SLC22A23: variants seen among roughly 807,000 people sequenced by gnomAD.
SLC22A23 encodes ion transporter protein.
Under a neutral mutation model 61.0 loss-of-function variants are expected in SLC22A23, and 26 were observed. The ratio of observed to expected loss-of-function variants is 0.43; its 90% CI spans 0.31 to 0.59. The LOEUF (loss-of-function observed/expected upper bound fraction) is 0.59. Ranked by LOEUF, SLC22A23 falls within the 20% of genes least tolerant of loss-of-function variation. SLC22A23 has a pLI of 0.11. For synonymous variants in SLC22A23, 430 were observed against 413.9 expected, an observed-to-expected ratio of 1.04 and a Z score of -0.47; for missense variants, 796 against 934.7, an observed-to-expected ratio of 0.85 and a Z score of 1.94.
At chr6:3,438,205 G>C (rs553159304) in intron 1 of SLC22A23, among the ~76,000 whole-genome samples, 81 of 152,346 alleles carry the variant, frequency 5.3e-4, no homozygotes, top group Non-Finnish European at 1.0e-3. Flanking sequence ...ACCAAGTCCA[G>C]GGCCAAGAGA....
chr6:3,287,657 T>C (rs1035637724), intron 6 of SLC22A23, among the ~76,000 whole-genome samples: 2 of 149,352 alleles, frequency 1.3e-5, no homozygotes, highest in Middle Eastern at 3.2e-3. Context: ...GGAAGACATA[T>C]AGGGTCCACA....
chr6:3,301,047 T>C (rs1761566700), intron 4 of SLC22A23, among the ~76,000 whole-genome samples: 1 of 152,204 alleles, frequency 6.6e-6, no homozygotes, highest in South Asian at 2.1e-4. Context: ...TATACAAAAT[T>C]AATTTTGAAT....
intron 2 of SLC22A23, among the ~76,000 whole-genome samples, chr6:3,413,679 G>C (rs892829286): frequency 4.6e-5 from 7 of 152,230 alleles, no homozygotes; most frequent in African/African-American, 1.4e-4. Flanking sequence ...TGCAGCCTTA[G>C]GAAGCATATT....
rs995149277 is a variant in SLC22A23 at position 3,324,660 on chromosome 6, C to T, written c.914-658G>A. 6.6e-6 allele frequency among the ~76,000 whole-genome samples: 1 copy of T among 152,192 alleles called. No homozygotes were observed. The highest frequency in any genetic ancestry group is 1.5e-5 in the Non-Finnish European group (1 of 68,028). Reference sequence around the variant, plus strand: ...ATATAGCAATGACCCTACCAGAAAGCCCCTTCTCCACGTGGGAGTTCTGTG... The same window carrying T: ...ATATAGCAATGACCCTACCAGAAAGTCCCTTCTCCACGTGGGAGTTCTGTG... On this transcript the variant is annotated intron_variant, in intron 3 of 9. Transcript: ENST00000406686. The surrounding 1 kb of genome is among the most constrained non-coding windows in gnomAD (Gnocchi z 4.3).
intron 3 of SLC22A23, among the ~76,000 whole-genome samples, chr6:3,371,917 T>C (rs1766243501): frequency 6.6e-6 from 1 of 151,806 alleles, no homozygotes. Context: ...ACAGCATCGA[T>C]TGTAAGATCC....
chr6:3,434,678 C>T (rs180963045), intron 1 of SLC22A23, among the ~76,000 whole-genome samples: 6 of 152,120 alleles, frequency 3.9e-5, no homozygotes, highest in African/African-American at 7.2e-5. Context: ...TGATGGATTG[C>T]GAGGAGCATC....
At position 3,410,996 on chromosome 6, in the gene SLC22A23, C is replaced by A. The variant is rs577510231; in HGVS notation, c.759-654G>T. On this transcript the variant is annotated intron_variant, in intron 2 of 9. Coordinates refer to ENST00000406686, the MANE Select transcript of SLC22A23 (RefSeq NM_015482.2). This position sits in a 1 kb window ranked among gnomAD's most constrained non-coding sequence, Gnocchi z 5.0. ...CTCGGCTGGACTGAGAGGCAGGGAG[C>A]CCAGGCTGTGATGATTCTCTGGAAA... Among the ~76,000 whole-genome samples, 481 of 152,286 alleles carry A rather than the reference C, an allele frequency of 3.2e-3. 6 individuals carry two copies. Among genetic ancestry groups the A allele is most frequent in the Non-Finnish European group, 5.9e-4 (40 of 68,028 alleles).
chr6:3,281,764 C>T (rs1759493594), intron 9 of SLC22A23, among the ~76,000 whole-genome samples: 1 of 152,108 alleles, frequency 6.6e-6, no homozygotes, highest in African/African-American at 2.4e-5. Context: ...GTGAAAAGGG[C>T]TCCCAGCGAG....
chr6:3,296,791 C>T (rs577991768), intron 5 of SLC22A23, among the ~76,000 whole-genome samples: 1 of 152,336 alleles, frequency 6.6e-6, no homozygotes, highest in South Asian at 2.1e-4. Context: ...CAGAGGGTGA[C>T]ATCCTGGCTG....
rs532324282 is a variant in SLC22A23 at position 3,309,637 on chromosome 6, C to T, written c.1083-11419G>A. 2.0e-5 allele frequency among the ~76,000 whole-genome samples: 3 copies of T among 151,152 alleles called. No individual in the cohort carries two copies. Among genetic ancestry groups the T allele is most frequent in the East Asian group, 1.9e-4 (1 of 5,186 alleles). ...CTGACGAGCAGGTGGCAGGAGGCAG[C>T]GGGCCAGCTGCACACAGGCGTTCCA... On this transcript the variant is annotated intron_variant, in intron 4 of 9. Coordinates refer to ENST00000406686, the MANE Select transcript of SLC22A23 (RefSeq NM_015482.2). This position sits in a 1 kb window ranked among gnomAD's most constrained non-coding sequence, Gnocchi z 4.7.
At chr6:3,398,970 G>A (rs535332578) in intron 3 of SLC22A23, among the ~76,000 whole-genome samples, 6 of 152,150 alleles carry the variant, frequency 3.9e-5, no homozygotes, top group Non-Finnish European at 8.8e-5. Context: ...TCGAGACTTC[G>A]GTCAGCTGTG....
chr6:3,455,431 T>A (rs527777292), intron 1 of SLC22A23, among the ~76,000 whole-genome samples: 21 of 152,346 alleles, frequency 1.4e-4, no homozygotes, highest in African/African-American at 4.1e-4. Context: ...GGTTGGGGAT[T>A]TGCAGGAGTC....
At chr6:3,352,468 C>T (rs1241834326) in intron 3 of SLC22A23, among the ~76,000 whole-genome samples, 2 of 152,094 alleles carry the variant, frequency 1.3e-5, no homozygotes, top group East Asian at 1.9e-4. Flanking sequence ...TTCACATACA[C>T]GGCCACATAC....
intron 8 of SLC22A23, among the ~76,000 whole-genome samples, chr6:3,284,507 G>A (rs1339141079): frequency 6.6e-6 from 1 of 152,256 alleles, no homozygotes; most frequent in African/African-American, 2.4e-5. Context: ...GCACGGGCAT[G>A]CTGTCAGGAC....
intron 1 of SLC22A23, among the ~76,000 whole-genome samples, chr6:3,423,592 TGGGGAGGAATGC>T (rs947153257): frequency 6.0e-5 from 9 of 149,360 alleles, no homozygotes; most frequent in African/African-American, 2.2e-4. Context: ...AAGGAGGGAG[TGGGGAGGAATGC>T]AGGGAGGGAG....
intron 3 of SLC22A23, among the ~76,000 whole-genome samples, chr6:3,347,591 C>T (rs1764515315): frequency 1.3e-5 from 2 of 152,132 alleles, no homozygotes; most frequent in Admixed American, 6.5e-5. Context: ...TGCTTCTCTC[C>T]CAGCCTCCCT....
chr6:3,423,619 G>A (rs1770291761), intron 1 of SLC22A23, among the ~76,000 whole-genome samples: 1 of 152,148 alleles, frequency 6.6e-6, no homozygotes, highest in Non-Finnish European at 1.5e-5. Context: ...AGGGAGGGAG[G>A]AAGGAAGGAA....
chr6:3,412,713 A>G (rs1286666013), intron 2 of SLC22A23, among the ~76,000 whole-genome samples: 1 of 152,190 alleles, frequency 6.6e-6, no homozygotes, highest in Non-Finnish European at 1.5e-5. Context: ...AAGCTTAAGG[A>G]CCCTGAGATG....
chr6:3,411,143 G>A (rs1024103073), intron 2 of SLC22A23, among the ~76,000 whole-genome samples: 1 of 151,804 alleles, frequency 6.6e-6, no homozygotes, highest in Non-Finnish European at 1.5e-5. Flanking sequence ...CACAAGAATG[G>A]GGAAGTCACC....
Sources: gnomAD v4.1 joint callset for allele counts (sites outside exome capture counted in the v4.1 genomes callset) on GRCh38, gnomAD v4.1.1 for gene constraint, Gnocchi (gnomAD v3.1) non-coding constraint, MANE v1.5 for transcripts, NCBI Gene and HGNC (gene_info 2026-07-23, HGNC 2026-07-21) for gene names.